The following EBF1 variants were observed in gnomAD, a reference collection of about 807,000 sequenced individuals.
The protein encoded by EBF1 is EBF transcription factor 1, also known as transcription factor COE1.
Under a neutral mutation model 68.4 loss-of-function variants are expected in EBF1, and 10 were observed. The ratio of observed to expected loss-of-function variants is 0.15; its 90% confidence interval spans 0.09 to 0.25. The LOEUF (loss-of-function observed/expected upper bound fraction) is 0.25, where lower values mean the gene tolerates loss of function less well. EBF1 is among the 10% of genes least tolerant of loss of function. EBF1 has a pLI of 1.00. For missense variants in EBF1, 509 were observed against 794.4 expected, an observed-to-expected ratio of 0.64 and a Z score of 4.32; for synonymous variants, 298 against 299.8, an observed-to-expected ratio of 0.99 and a Z score of 0.06.
At chr5:158,812,047 C>T (rs886270750) in intron 8 of EBF1, among the ~76,000 whole-genome samples, 2 of 152,136 alleles carry the variant, frequency 1.3e-5, no homozygotes, top group Non-Finnish European at 1.5e-5. Flanking sequence ...TTCCGTGTGC[C>T]ATTATTTGTC....
At position 159,096,915 on chromosome 5, in the gene EBF1, C is replaced by T. The variant is rs1782723649; in HGVS notation, c.291+59G>A. ...AAGGAAGGGCGCGCTGCCCAAGGCT[C>T]CCGGGCCTGCTCCCGAGCCGAGCCG... is the stretch of plus-strand genomic sequence containing the variant. On this transcript the variant is annotated intron_variant, in intron 2 of 15. Transcript: ENST00000313708. 4 of 1,588,050 alleles carry T rather than the reference C, an allele frequency of 2.5e-6. No homozygotes were observed. The Admixed American group carries it at 5.2e-5, about 21-fold the overall frequency.
chr5:159,093,099 C>T (rs531563486), intron 4 of EBF1, among the ~76,000 whole-genome samples: 2 of 152,298 alleles, frequency 1.3e-5, no homozygotes, highest in South Asian at 2.1e-4. Flanking sequence ...TTTTATGTCA[C>T]ACCTAGGGAA....
At chr5:159,017,815 A>G (rs1377283438) in intron 6 of EBF1, among the ~76,000 whole-genome samples, 1 of 152,222 alleles carries the variant, frequency 6.6e-6, no homozygotes, top group African/African-American at 2.4e-5. Context: ...AACTGAAGAC[A>G]TAAGACTGAG....
At chr5:159,021,196 C>A (rs1766611638) in intron 6 of EBF1, among the ~76,000 whole-genome samples, 2 of 152,158 alleles carry the variant, frequency 1.3e-5, no homozygotes, top group Admixed American at 1.3e-4. Context: ...TTCCCTAAAG[C>A]AGTATCCTGT....
At chr5:159,068,995 T>A (rs1041942335) in intron 6 of EBF1, among the ~76,000 whole-genome samples, 23 of 152,130 alleles carry the variant, frequency 1.5e-4, no homozygotes, top group African/African-American at 5.1e-4. Flanking sequence ...GAAAAAGGCA[T>A]GGTAATTCTG....
intron 6 of EBF1, among the ~76,000 whole-genome samples, chr5:158,909,954 T>TTTAAAA (rs1805550203): frequency 8.1e-5 from 1 of 12,412 alleles, no homozygotes; most frequent in African/African-American, 2.7e-4. Context: ...AGACTCTGTC[T>TTTAAAA]ATAAAAAAAA....
At chr5:158,879,502 G>A (rs1798429226) in intron 6 of EBF1, among the ~76,000 whole-genome samples, 1 of 152,186 alleles carries the variant, frequency 6.6e-6, no homozygotes, top group Non-Finnish European at 1.5e-5. Context: ...ATAGAAAAGA[G>A]CATTGTGTGG....
At chr5:158,826,170 A>C (rs1786061019) in intron 7 of EBF1, among the ~76,000 whole-genome samples, 1 of 152,214 alleles carries the variant, frequency 6.6e-6, no homozygotes, top group Admixed American at 6.5e-5. Context: ...GGACACAACA[A>C]CACTTTCCTT....
At chr5:158,852,242 C>T (rs1793096779) in intron 6 of EBF1, among the ~76,000 whole-genome samples, 1 of 151,650 alleles carries the variant, frequency 6.6e-6, no homozygotes, top group South Asian at 2.1e-4. Context: ...GGGTGGGGGA[C>T]ACAGAATCTT....
chr5:158,971,249 C>A (rs1755589157), intron 6 of EBF1, among the ~76,000 whole-genome samples: 1 of 152,138 alleles, frequency 6.6e-6, no homozygotes, highest in Non-Finnish European at 1.5e-5. Context: ...TGATGAAAGT[C>A]ACAGAGCGAG....
At chr5:158,761,680 G>A (rs1045136533) in intron 10 of EBF1, among the ~76,000 whole-genome samples, 2 of 152,138 alleles carry the variant, frequency 1.3e-5, no homozygotes, top group African/African-American at 4.8e-5. Flanking sequence ...TATAATCCTG[G>A]TGAGTTAAGC....
intron 6 of EBF1, among the ~76,000 whole-genome samples, chr5:159,063,514 T>C (rs1388572090): frequency 6.6e-6 from 1 of 152,154 alleles, no homozygotes; most frequent in Non-Finnish European, 1.5e-5. Flanking sequence ...TCCAACTATT[T>C]TTGGGGGACT....
intron 10 of EBF1, among the ~76,000 whole-genome samples, chr5:158,735,384 C>A (rs1021319643): frequency 2.6e-5 from 4 of 152,234 alleles, no homozygotes; most frequent in African/African-American, 9.6e-5. Context: ...CTGTCTTCCA[C>A]TGACCCCTTC....
At chr5:158,776,480 C>T (rs1561894059) in intron 10 of EBF1, among the ~76,000 whole-genome samples, 1 of 152,170 alleles carries the variant, frequency 6.6e-6, no homozygotes, top group Non-Finnish European at 1.5e-5. Context: ...TATCCCTTCA[C>T]TGCTCTGTTA....
intron 11 of EBF1, among the ~76,000 whole-genome samples, chr5:158,716,532 C>A (rs1760749210): frequency 1.3e-5 from 2 of 152,180 alleles, no homozygotes; most frequent in Admixed American, 1.3e-4. Context: ...ATATCTTACC[C>A]ATTAAAAAAT....
intron 8 of EBF1, among the ~76,000 whole-genome samples, chr5:158,807,802 G>A (rs965491625): frequency 6.6e-6 from 1 of 152,142 alleles, no homozygotes; most frequent in Non-Finnish European, 1.5e-5. Context: ...TTTGAGAGAT[G>A]AGCTCCTGTT....
At chr5:158,944,536 C>CTCTTT (rs1345579474) in intron 6 of EBF1, among the ~76,000 whole-genome samples, 1 of 152,158 alleles carries the variant, frequency 6.6e-6, no homozygotes, top group Admixed American at 6.5e-5. Context: ...CATACGTGTG[C>CTCTTT]ATGTGTCTTT....
chr5:158,778,053 C>A (rs1775662872), intron 9 of EBF1, among the ~76,000 whole-genome samples: 1 of 152,180 alleles, frequency 6.6e-6, no homozygotes, highest in East Asian at 1.9e-4. Flanking sequence ...AAGAGCTTTA[C>A]AGGGGAAAGC....
chr5:159,091,167 C>T (rs1781563090), intron 4 of EBF1, among the ~76,000 whole-genome samples: 1 of 152,188 alleles, frequency 6.6e-6, no homozygotes, highest in Non-Finnish European at 1.5e-5. Flanking sequence ...CAAACATTCA[C>T]ATGGAAACAG....
Sources: gnomAD v4.1 joint callset for allele counts (sites outside exome capture counted in the v4.1 genomes callset) on GRCh38, gnomAD v4.1.1 for gene constraint, MANE v1.5 for transcripts, NCBI Gene and HGNC (gene_info 2026-07-23, HGNC 2026-07-21) for gene names.